The following DMGDH variants were observed in gnomAD, a reference collection of about 807,000 sequenced individuals.
DMGDH encodes the protein dimethylglycine dehydrogenase, mitochondrial.
In DMGDH, 76 loss-of-function variants were observed where a neutral mutation model predicts 95.2. The observed-to-expected ratio is 0.80, with a 90% CI of 0.66 to 0.97. DMGDH has a LOEUF of 0.97. DMGDH is among the 50% of genes least tolerant of loss of function. DMGDH has a pLI of 0.00. For missense variants in DMGDH, 987 were observed against 1,055.0 expected (o/e 0.94, Z 0.89); for synonymous variants, 345 against 377.6 (o/e 0.91, Z 1.00).
At chr5:79,048,133 A>G (rs1461285474) in intron 5 of DMGDH, among the ~76,000 whole-genome samples, 4 of 150,552 alleles carry the variant, frequency 2.7e-5, no homozygotes, top group Non-Finnish European at 5.9e-5. Context: ...TGCAATGATC[A>G]TAATAATTAT....
chr5:79,011,618 C>T (rs188271338), intron 14 of DMGDH, among the ~76,000 whole-genome samples: 56 of 152,210 alleles, frequency 3.7e-4, no homozygotes, highest in Middle Eastern at 3.4e-3. Flanking sequence ...GCAGGCTGTA[C>T]AGGAAGCATG....
chr5:79,008,992 A>G (rs1379927278), intron 14 of DMGDH, among the ~76,000 whole-genome samples: 1 of 152,144 alleles, frequency 6.6e-6, no homozygotes, highest in Non-Finnish European at 1.5e-5. Flanking sequence ...GCACCTTTAG[A>G]TTTTATCCAT....
chr5:79,016,257 C>A (rs1753732864), intron 14 of DMGDH, among the ~76,000 whole-genome samples: 1 of 150,030 alleles, frequency 6.7e-6, no homozygotes. Context: ...GAATATAAGG[C>A]AAGAAAAAGA....
In DMGDH at chr5:79,069,591, C is replaced by G. The variant is rs1755494162; in HGVS notation, c.30G>C (p.Arg10=). 1.0e-5 allele frequency: 14 copies of G among 1,366,384 alleles called. No homozygotes were observed. The highest frequency in any genetic ancestry group is 1.5e-5 in the African/African-American group (1 of 66,678). 84.6% of individuals were successfully genotyped at this position (1,366,384 alleles called of 1,614,324 possible). The change falls in exon 1 of 16, where the codon CGG becomes CGC. Residue 10 remains arginine (R), a synonymous_variant. Transcript: ENST00000255189. The stretch of plus-strand genomic sequence containing the variant: ...GCGGGCAGCTCCGCAGCAGGAGGCC[C>G]CGCAGCAGCTGCGCGCCGGGACGGA... MLRPGAQLL[R]GLLLRSCPLQ...
chr5:79,009,954 A>C (rs1357211460), intron 14 of DMGDH, among the ~76,000 whole-genome samples: 2 of 152,240 alleles, frequency 1.3e-5, no homozygotes, highest in African/African-American at 4.8e-5. Flanking sequence ...TTAATAAGTC[A>C]TTGCCAAATT....
At position 79,066,798 on chromosome 5, in the gene DMGDH, T is replaced by A. The variant is rs143765343; in HGVS notation, c.101+2722A>T. On this transcript the variant is annotated intron_variant, in intron 1 of 15. Transcript: ENST00000255189. ...CTGTCTGATGACTTGCTTAAGGTGG[T>A]GTCTGTCTGATTTGTCTAGTAAAGC... Among the ~76,000 whole-genome samples the A allele has an allele frequency of 2.0e-4, 31 of 152,296 alleles. 1 individual carries two copies. Among genetic ancestry groups the A allele is most frequent in the African/African-American group, 6.7e-4 (28 of 41,564 alleles).
At chr5:79,055,982 G>T in intron 2 of DMGDH, 74 bp from the exon 3 acceptor site, 1 of 1,020,722 alleles carries the variant, frequency 9.8e-7, no homozygotes, top group Non-Finnish European at 1.5e-6. Context: ...TATCTGTTAA[G>T]CAATAATTTA....
At chr5:79,000,820 C>T (rs1397963669) in intron 15 of DMGDH, 9 of 628,266 alleles carry the variant, frequency 1.4e-5, no homozygotes, top group South Asian at 9.2e-5. Flanking sequence ...GTACTCTCAC[C>T]GAACCAGATG....
At chr5:79,007,354 G>A (rs1753570712) in intron 14 of DMGDH, among the ~76,000 whole-genome samples, 1 of 152,130 alleles carries the variant, frequency 6.6e-6, no homozygotes, top group Non-Finnish European at 1.5e-5. Context: ...CATGTATATG[G>A]AGGGGCTGAC....
chr5:79,030,515 A>C (rs186929654), intron 10 of DMGDH: 23 of 303,178 alleles, frequency 7.6e-5, no homozygotes, highest in Admixed American at 7.1e-4. Flanking sequence ...GCATGGTGGC[A>C]CATGCCTGTA....
intron 14 of DMGDH, among the ~76,000 whole-genome samples, chr5:79,013,172 A>C (rs1343286419): frequency 6.6e-6 from 1 of 152,222 alleles, no homozygotes; most frequent in Non-Finnish European, 1.5e-5. Context: ...TAGCCAGGCC[A>C]CATCTTGAAT....
intron 5 of DMGDH, among the ~76,000 whole-genome samples, chr5:79,050,273 A>AAAAAAAATAAATATATATATATATATAT (rs1554037270): frequency 4.8e-5 from 1 of 20,916 alleles, no homozygotes; most frequent in African/African-American, 1.6e-4. Flanking sequence ...AAAAAAAAAA[A>AAAAAAAATAAATATATATATATATATAT]ATATATATAT....
rs537062907 is a variant in DMGDH, at chr5:79,043,609, T to C, written c.994+695A>G. ...ATTTCCTACATTTCTTTGTATTCCC[T>C]GTAATATTTCAATGCCCCAGTGATT... On this transcript the variant is annotated intron_variant, in intron 6 of 15. Transcript: ENST00000255189. Among the ~76,000 whole-genome samples the C allele has an allele frequency of 1.4e-4, 21 of 152,380 alleles. No individual in the cohort carries two copies. The East Asian group carries it at 3.5e-3, about 25-fold the overall frequency.
At chr5:79,066,523 T>C (rs1404301703) in intron 1 of DMGDH, among the ~76,000 whole-genome samples, 1 of 151,446 alleles carries the variant, frequency 6.6e-6, no homozygotes, top group Non-Finnish European at 1.5e-5. Flanking sequence ...CTTGATCTCC[T>C]GACCTCGTGA....
At chr5:79,024,549 A>G (rs979697962) in intron 13 of DMGDH, among the ~76,000 whole-genome samples, 1 of 152,262 alleles carries the variant, frequency 6.6e-6, no homozygotes, top group African/African-American at 2.4e-5. Context: ...AAATATAGAA[A>G]CTAAAATTCA....
rs1366461534 is a variant in DMGDH, at chr5:78,997,853, AC to A, written c.*228del. On this transcript the variant is annotated 3_prime_UTR_variant, in exon 16 of 16. Transcript: ENST00000255189. ...TGGGTAATGTGGGGTAAATAAAAAA[AC>A]ATTCATTTCAAATTTCTTCATTTAA... 8.9e-6 allele frequency: 5 copies of A among 558,666 alleles called. No homozygotes were observed. In the African/African-American group the frequency reaches 9.4e-5, roughly 11 times the overall value. 34.6% of individuals were successfully genotyped at this position (558,666 alleles called of 1,614,324 possible).
Position 78,997,616 on chromosome 5 carries a change from T to A in DMGDH, c.*466A>T, listed in dbSNP as rs1753383511. On this transcript the variant is annotated 3_prime_UTR_variant, in exon 16 of 16. Transcript: ENST00000255189. ...TTCATCACAGATATATCATGAAAAA[T>A]TAAAACTTTCATTTATTCATCTAAG... The A allele has an allele frequency of 6.0e-6, 1 of 166,686 alleles. No homozygotes were observed. Among genetic ancestry groups the A allele is most frequent in the African/African-American group, 2.4e-5 (1 of 41,494 alleles). The allele number at this position is 166,686 out of a possible 1,614,324, so 10.3% of individuals were successfully genotyped here. A position where few individuals can be genotyped will look rare whatever the true frequency, so the allele number is the denominator to read the frequency against.
chr5:79,026,689 C>A, intron 12 of DMGDH, 108 bp from the exon 13 acceptor site: 2 of 1,470,680 alleles, frequency 1.4e-6, no homozygotes, highest in South Asian at 1.2e-5. Flanking sequence ...TTATGCAACA[C>A]AGACATTGTC....
intron 14 of DMGDH, among the ~76,000 whole-genome samples, chr5:79,008,287 A>T (rs1398636339): frequency 6.6e-6 from 1 of 152,186 alleles, no homozygotes; most frequent in African/African-American, 2.4e-5. Flanking sequence ...TTGAGTTTTG[A>T]AAGACGAGTA....
Sources: allele counts gnomAD v4.1 joint callset (sites outside exome capture counted in the v4.1 genomes callset), GRCh38; gene constraint gnomAD v4.1.1; transcripts MANE v1.5; gene names NCBI Gene and HGNC (gene_info 2026-07-23, HGNC 2026-07-21).